DROSHA: variants seen among roughly 807,000 people sequenced by gnomAD.
DROSHA encodes drosha ribonuclease III.
DROSHA carries 56 observed loss-of-function variants against 181.9 expected under a neutral mutation model. The ratio of observed to expected loss-of-function variants is 0.31; its 90% confidence interval spans 0.25 to 0.38. DROSHA has a LOEUF of 0.38. Ranked by LOEUF, DROSHA falls within the 10% of genes least tolerant of loss-of-function variation. DROSHA has a pLI of 1.00. For missense variants in DROSHA, 1,218 were observed against 1,743.5 expected (o/e 0.70, Z 5.37); for synonymous variants, 524 against 591.2 (o/e 0.89, Z 1.65).
chr5:31,466,089 T>C lies in DROSHA; in HGVS notation c.2466+93A>G, dbSNP rs927939748. The C allele has an allele frequency of 3.2e-6, 4 of 1,268,054 alleles. No homozygotes were observed. In the African/African-American group the frequency reaches 6.0e-5, roughly 19 times the overall value. The allele number at this position is 1,268,054 out of a possible 1,614,324, so 78.6% of individuals were successfully genotyped here. A position where few individuals can be genotyped will look rare whatever the true frequency, so the allele number is the denominator to read the frequency against. ...ATTTTTTTAAAAAAATATTTTTCCA[T>C]CTTGTACCAGAAGTATAGTGTGATA... On this transcript the variant is annotated intron_variant, in intron 19 of 35. Transcript: ENST00000344624.
intron 15 of DROSHA, among the ~76,000 whole-genome samples, chr5:31,484,197 C>A (rs1751416445): frequency 6.6e-6 from 1 of 151,872 alleles, no homozygotes; most frequent in South Asian, 2.1e-4. Flanking sequence ...CAGAGAAATC[C>A]CGTCTCTACT....
intron 20 of DROSHA, among the ~76,000 whole-genome samples, chr5:31,455,589 T>C (rs555548279): frequency 6.6e-6 from 1 of 151,822 alleles, no homozygotes; most frequent in East Asian, 1.9e-4. Flanking sequence ...AAAAAATCCT[T>C]TGGGCACTCA....
At chr5:31,405,180 A>C (rs1323608749) in intron 35 of DROSHA, among the ~76,000 whole-genome samples, 1 of 152,144 alleles carries the variant, frequency 6.6e-6, no homozygotes, top group Non-Finnish European at 1.5e-5. Context: ...CAGCCGGGCC[A>C]ATATGGTGAA....
At position 31,401,092 on chromosome 5, in the gene DROSHA, G is replaced by C. The variant is rs1579952599; in HGVS notation, c.*340C>G. The C allele has an allele frequency of 3.8e-6, 1 of 264,744 alleles. No homozygotes were observed. Among genetic ancestry groups the C allele is most frequent in the Admixed American group, 5.1e-5 (1 of 19,444 alleles). The allele number at this position is 264,744 out of a possible 1,614,324, so 16.4% of individuals were successfully genotyped here. On this transcript the variant is annotated 3_prime_UTR_variant, in exon 36 of 36. Transcript: ENST00000344624. The stretch of plus-strand genomic sequence containing the variant: ...AAAGTCAATTTTTTACTTGTCAATT[G>C]AAAGTCTAGGGTCACAATCTGGGAC...
In DROSHA at chr5:31,480,897, GAAT is replaced by G. The variant is rs146252437; in HGVS notation, c.2071+2654_2071+2656del. On this transcript the variant is annotated intron_variant, in intron 16 of 35. Transcript: ENST00000344624. The stretch of plus-strand genomic sequence containing the variant: ...ATGGGAAAGGCAAAATGCTAAAAAT[GAAT>G]AATAATGCATTTTTCATGGCAGCAC... Among the ~76,000 whole-genome samples, 301 of 152,212 alleles carry G rather than the reference GAAT, an allele frequency of 2.0e-3. 1 individual carries two copies. The highest frequency in any genetic ancestry group is 6.9e-3 in the African/African-American group (288 of 41,538).
At chr5:31,437,099 T>C (rs1295516558) in intron 24 of DROSHA, 140 bp downstream of exon 24, 1 of 912,430 alleles carries the variant, frequency 1.1e-6, no homozygotes, top group Non-Finnish European at 1.7e-6. Context: ...GACATGTGGC[T>C]TCTAAGCTCT....
At chr5:31,404,837 G>A (rs973651644) in intron 35 of DROSHA, among the ~76,000 whole-genome samples, 2 of 151,916 alleles carry the variant, frequency 1.3e-5, no homozygotes, top group East Asian at 3.9e-4. Flanking sequence ...ATAATAAAAA[G>A]GCTGAATAAA....
intron 23 of DROSHA, among the ~76,000 whole-genome samples, chr5:31,439,182 C>T (rs917215788): frequency 2.0e-5 from 3 of 152,152 alleles, no homozygotes; most frequent in African/African-American, 7.2e-5. Context: ...TTCAGTTACC[C>T]CTGGCCAACC....
At chr5:31,427,241 T>C (rs1343202369) in intron 27 of DROSHA, among the ~76,000 whole-genome samples, 2 of 151,990 alleles carry the variant, frequency 1.3e-5, no homozygotes, top group East Asian at 3.9e-4. Context: ...AGCAGGGGCA[T>C]AGGAAAAATC....
At chr5:31,456,487 C>CACAT (rs1747678018) in intron 20 of DROSHA, among the ~76,000 whole-genome samples, 1 of 149,786 alleles carries the variant, frequency 6.7e-6, no homozygotes, top group African/African-American at 2.5e-5. Flanking sequence ...CACACACACA[C>CACAT]ACACACAGAC....
At chr5:31,511,209 A>AT (rs1454001147) in intron 8 of DROSHA, 33 bp from the exon 9 acceptor site, 1 of 1,590,264 alleles carries the variant, frequency 6.3e-7, no homozygotes, top group East Asian at 2.2e-5. Context: ...ATTAGGAACT[A>AT]TATCAATAAC....
At chr5:31,442,415 T>A (rs909934513) in intron 23 of DROSHA, among the ~76,000 whole-genome samples, 1 of 152,212 alleles carries the variant, frequency 6.6e-6, no homozygotes, top group Non-Finnish European at 1.5e-5. Flanking sequence ...TTTCATTGTT[T>A]AGACTTTCTT....
chr5:31,478,041 G>A (rs1372205270), intron 16 of DROSHA, among the ~76,000 whole-genome samples: 3 of 152,044 alleles, frequency 2.0e-5, no homozygotes, highest in African/African-American at 4.8e-5. Context: ...TATAAAACTT[G>A]AATTTTCAGT....
chr5:31,509,285 T>C (rs1738383620), intron 9 of DROSHA, among the ~76,000 whole-genome samples: 1 of 151,762 alleles, frequency 6.6e-6, no homozygotes, highest in Non-Finnish European at 1.5e-5. Context: ...AGTCACAATC[T>C]AGTTGGGGAA....
chr5:31,437,410 C>T, intron 23 of DROSHA, 112 bp from the exon 24 acceptor site: 1 of 929,412 alleles, frequency 1.1e-6, no homozygotes, highest in Non-Finnish European at 1.6e-6. Flanking sequence ...GTAATCAAAC[C>T]ACCTTCCCTA....
intron 11 of DROSHA, among the ~76,000 whole-genome samples, chr5:31,504,001 A>G (rs1737615017): frequency 6.6e-6 from 1 of 152,242 alleles, no homozygotes; most frequent in Non-Finnish European, 1.5e-5. Flanking sequence ...ATAAAAATAA[A>G]AGATAAAGGG....
chr5:31,461,251 C>T (rs1247370330), intron 20 of DROSHA, among the ~76,000 whole-genome samples: 2 of 152,066 alleles, frequency 1.3e-5, no homozygotes, highest in East Asian at 3.8e-4. Flanking sequence ...TAAAAAAATT[C>T]AAACAAAATA....
chr5:31,452,883 T>C (rs943970790), intron 20 of DROSHA, among the ~76,000 whole-genome samples: 20 of 152,334 alleles, frequency 1.3e-4, no homozygotes, highest in African/African-American at 4.8e-4. Context: ...CCATTAGGAT[T>C]TGAATTATCG....
intron 23 of DROSHA, among the ~76,000 whole-genome samples, chr5:31,445,958 T>C (rs1015523154): frequency 1.3e-5 from 2 of 152,076 alleles, no homozygotes; most frequent in Admixed American, 6.5e-5. Flanking sequence ...ATTAAAAGGA[T>C]TACACGGGAA....
Sources: gnomAD v4.1 joint callset for allele counts (sites outside exome capture counted in the v4.1 genomes callset) on GRCh38, gnomAD v4.1.1 for gene constraint, MANE v1.5 for transcripts, NCBI Gene and HGNC (gene_info 2026-07-23, HGNC 2026-07-21) for gene names.